The following CCDC32 variants were observed in gnomAD, a reference collection of about 807,000 sequenced individuals.
CCDC32 encodes coiled-coil domain containing 32.
In CCDC32, 9 loss-of-function variants were observed where a neutral mutation model predicts 20.1. That is an observed-to-expected ratio of 0.45 (90% confidence interval 0.27 to 0.78). The LOEUF (loss-of-function observed/expected upper bound fraction) is 0.78. Ranked by LOEUF, CCDC32 falls within the 30% of genes least tolerant of loss-of-function variation. The pLI is 0.16. For synonymous variants in CCDC32, 63 were observed against 79.0 expected (o/e 0.80, Z 1.07); for missense variants, 204 against 215.5 (o/e 0.95, Z 0.33).
downstream of CCDC32, chr15:40,536,060 C>T (rs528737428): frequency 6.6e-6 from 1 of 152,316 alleles, no homozygotes; most frequent in Admixed American, 6.5e-5. Context: ...TCAGCCCTTC[C>T]CCAGTCTCAG....
downstream of CCDC32, among the ~76,000 whole-genome samples, chr15:40,552,424 G>A (rs1426968327): frequency 6.9e-6 from 1 of 145,644 alleles, no homozygotes; most frequent in Non-Finnish European, 1.5e-5. Flanking sequence ...GAGGTTGCGG[G>A]GAGCCAAGAT....
At chr15:40,528,616 G>A (rs912860613), downstream of CCDC32, 1 of 615,098 alleles carries the variant, frequency 1.6e-6, no homozygotes, top group Non-Finnish European at 2.9e-6. Context: ...ACCAGGTCTG[G>A]TAATGCAGAA....
At chr15:40,534,855 C>T (rs1473880630), downstream of CCDC32, 1 of 701,992 alleles carries the variant, frequency 1.4e-6, no homozygotes, top group Non-Finnish European at 2.6e-6. Context: ...TAGAGGGACA[C>T]AAACACACAG....
chr15:40,544,578 G>A (rs969376878), intron 3 of CCDC32, among the ~76,000 whole-genome samples: 1 of 151,810 alleles, frequency 6.6e-6, no homozygotes, highest in South Asian at 2.1e-4. Context: ...TCCTAAACTG[G>A]AATCATGTCA....
At position 40,554,111 on chromosome 15, in the gene CCDC32, T is replaced by C. The variant is rs1184114560; in HGVS notation, c.418A>G (p.Lys140Glu). The change falls in exon 4 of 4, where the codon AAG becomes GAG. Residue 140 changes from lysine (K) to glutamate (E), a missense_variant. Physicochemically the swap from Lys to Glu is moderately conservative, Grantham distance 56. Transcript: ENST00000416810. ...DSDESTLEHFKRWLQPDKVAV... is the reference protein window; with the variant it reads ...DSDESTLEHFERWLQPDKVAV... ...ACTTTATCTGGCTGGAGCCACCTCT[T>C]GAAATGTTCCAAGGTGCTATGAAAG... The C allele has an allele frequency of 9.9e-6, 16 of 1,613,794 alleles. No homozygotes were observed. The highest frequency in any genetic ancestry group is 1.2e-5 in the Non-Finnish European group (14 of 1,179,888).
chr15:40,542,860 A>AG (rs1415925245), intron 3 of CCDC32, among the ~76,000 whole-genome samples: 3 of 150,520 alleles, frequency 2.0e-5, no homozygotes, highest in African/African-American at 7.4e-5. Context: ...AAAAGAAAAA[A>AG]AAAAAAAAGA....
At chr15:40,523,221 A>T in the CCDC32 span, among the ~76,000 whole-genome samples, 1 of 151,468 alleles carries the variant, frequency 6.6e-6, no homozygotes, top group Non-Finnish European at 1.5e-5. Context: ...AAGGTGGATA[A>T]GCGCTGGGCG....
At chr15:40,529,754 C>T (rs1054068327) in intron 3 of CCDC32, 3 of 150,642 alleles carry the variant, frequency 2.0e-5, no homozygotes, top group East Asian at 3.9e-4. Flanking sequence ...CTCCGCCTCC[C>T]GGGTTCACAC....
At chr15:40,531,106 G>C (rs1025851428), downstream of CCDC32, among the ~76,000 whole-genome samples, 6 of 151,530 alleles carry the variant, frequency 4.0e-5, no homozygotes, top group Admixed American at 1.3e-4. Context: ...TCATTTATAA[G>C]TGGGAGCTAA....
chr15:40,544,370 G>A (rs994523462), intron 3 of CCDC32, among the ~76,000 whole-genome samples: 2 of 152,008 alleles, frequency 1.3e-5, no homozygotes, highest in African/African-American at 2.4e-5. Context: ...GCAGTACCAC[G>A]CCAGGCTAAT....
chr15:40,562,616 GA>G (rs1414664418), intron 2 of CCDC32, among the ~76,000 whole-genome samples, 155 bp downstream of exon 2: 1 of 152,080 alleles, frequency 6.6e-6, no homozygotes, highest in Admixed American at 6.6e-5. Flanking sequence ...TCTGTTCAAG[GA>G]AAAGGGGGCT....
chr15:40,536,645 T>A (rs1264306857), downstream of CCDC32: 1 of 152,128 alleles, frequency 6.6e-6, no homozygotes, highest in Non-Finnish European at 1.5e-5. Flanking sequence ...GTATGACACA[T>A]GAAATTATGA....
chr15:40,541,337 T>G (rs1193524535), intron 3 of CCDC32, among the ~76,000 whole-genome samples: 1 of 146,070 alleles, frequency 6.8e-6, no homozygotes, highest in Non-Finnish European at 1.5e-5. Context: ...TGTAATATTT[T>G]TTTTTTTTTT....
At chr15:40,543,459 GTTGTTGTTT>G (rs1409169991) in intron 3 of CCDC32, among the ~76,000 whole-genome samples, 3 of 152,096 alleles carry the variant, frequency 2.0e-5, no homozygotes, top group Admixed American at 6.6e-5. Context: ...TGTTGTTGTT[GTTGTTGTTT>G]TTTTGAGACA....
At chr15:40,533,118 A>G (rs1194995179), downstream of CCDC32, among the ~76,000 whole-genome samples, 1 of 152,140 alleles carries the variant, frequency 6.6e-6, no homozygotes, top group Non-Finnish European at 1.5e-5. Flanking sequence ...CACAGGCTAC[A>G]TACAGGCATT....
chr15:40,532,345 C>T (rs1233866537), downstream of CCDC32: 1 of 701,184 alleles, frequency 1.4e-6, no homozygotes, highest in Non-Finnish European at 2.6e-6. Context: ...ACATAAGGCT[C>T]CATTTTGGAT....
the CCDC32 span, among the ~76,000 whole-genome samples, chr15:40,522,929 C>T: frequency 6.7e-5 from 10 of 150,150 alleles, no homozygotes; most frequent in Non-Finnish European, 1.0e-4. Context: ...AGGGTTCAAG[C>T]GATTCTCCCG....
chr15:40,555,747 C>G (rs1890189126), intron 3 of CCDC32, among the ~76,000 whole-genome samples: 1 of 152,194 alleles, frequency 6.6e-6, no homozygotes, highest in Admixed American at 6.5e-5. Context: ...TATTCACATA[C>G]TGTCCTGATT....
At chr15:40,551,314 A>G (rs1035524735), downstream of CCDC32, among the ~76,000 whole-genome samples, 1 of 152,004 alleles carries the variant, frequency 6.6e-6, no homozygotes, top group African/African-American at 2.4e-5. Flanking sequence ...CCCGGGAGGC[A>G]GAGCTTGCAG....
Sources: gnomAD v4.1 joint callset for allele counts (sites outside exome capture counted in the v4.1 genomes callset) on GRCh38, gnomAD v4.1.1 for gene constraint, MANE v1.5 for transcripts, NCBI Gene and HGNC (gene_info 2026-07-23, HGNC 2026-07-21) for gene names.